RPTOR: variants seen among roughly 807,000 people sequenced by gnomAD.
The protein encoded by RPTOR is regulatory associated protein of MTOR complex 1.
In RPTOR, 21 loss-of-function variants were observed where a neutral mutation model predicts 169.9. That is an observed-to-expected ratio of 0.12 (90% confidence interval 0.09 to 0.18). The LOEUF (loss-of-function observed/expected upper bound fraction) is 0.18, where lower values mean the gene tolerates loss of function less well. Among genes scored for constraint, RPTOR ranks in the 10% least tolerant of loss-of-function variants. The pLI is 1.00. For synonymous variants in RPTOR, 732 were observed against 753.2 expected, an observed-to-expected ratio of 0.97 and a Z score of 0.46; for missense variants, 1,133 against 1,855.9, an observed-to-expected ratio of 0.61 and a Z score of 7.16.
intron 4 of RPTOR, among the ~76,000 whole-genome samples, chr17:80,716,223 G>C (rs2066238213): frequency 6.6e-6 from 1 of 152,168 alleles, no homozygotes; most frequent in African/African-American, 2.4e-5. Context: ...ATCCACACCA[G>C]CATCTACTGT....
At chr17:80,728,527 T>C (rs2066360478) in intron 4 of RPTOR, among the ~76,000 whole-genome samples, 1 of 151,762 alleles carries the variant, frequency 6.6e-6, no homozygotes. Flanking sequence ...CATCAGTTAT[T>C]GAATTGTTAA....
intron 28 of RPTOR, among the ~76,000 whole-genome samples, chr17:80,950,863 G>A (rs1401078953): frequency 1.3e-5 from 2 of 152,208 alleles, no homozygotes; most frequent in Admixed American, 6.5e-5. Context: ...TGTTTTTCTG[G>A]GGTCGCTCAG....
At chr17:80,857,714 G>A in intron 12 of RPTOR, 76 bp from the exon 13 acceptor site, 1 of 955,806 alleles carries the variant, frequency 1.0e-6, no homozygotes, top group South Asian at 1.4e-5. Context: ...ACCGCAGCTG[G>A]TCCCGCGTGG....
At chr17:80,678,206 T>A (rs2065873830) in intron 3 of RPTOR, among the ~76,000 whole-genome samples, 1 of 152,158 alleles carries the variant, frequency 6.6e-6, no homozygotes, top group Non-Finnish European at 1.5e-5. Context: ...TAGGTACAAG[T>A]TTGCAGCAGA....
intron 3 of RPTOR, among the ~76,000 whole-genome samples, chr17:80,662,437 T>A (rs1567844641): frequency 6.6e-6 from 1 of 151,934 alleles, no homozygotes; most frequent in Admixed American, 6.6e-5. Context: ...AGGGTTTTTA[T>A]GGATAATTTG....
At chr17:80,736,361 G>A (rs1425739326) in intron 5 of RPTOR, among the ~76,000 whole-genome samples, 1 of 152,072 alleles carries the variant, frequency 6.6e-6, no homozygotes, top group Non-Finnish European at 1.5e-5. Context: ...AAACCTGTCC[G>A]ACGGTCACTC....
chr17:80,773,948 G>A (rs530670857), intron 6 of RPTOR: 84 of 985,286 alleles, frequency 8.5e-5, no homozygotes, highest in Non-Finnish European at 1.0e-4. Flanking sequence ...CTGCCCTGGG[G>A]GCTATGGTGC....
chr17:80,900,527 G>A (rs556633212), intron 20 of RPTOR, among the ~76,000 whole-genome samples: 2 of 152,312 alleles, frequency 1.3e-5, no homozygotes, highest in South Asian at 4.1e-4. Flanking sequence ...AGTTGGTCAG[G>A]CTGGTCTCGA....
intron 3 of RPTOR, among the ~76,000 whole-genome samples, chr17:80,677,204 G>T (rs1004505744): frequency 6.6e-6 from 1 of 152,088 alleles, no homozygotes; most frequent in African/African-American, 2.4e-5. Flanking sequence ...CCATGTTAAC[G>T]TTTGCCTTTG....
At chr17:80,724,752 G>A (rs749660432) in intron 4 of RPTOR, among the ~76,000 whole-genome samples, 1 of 152,152 alleles carries the variant, frequency 6.6e-6, no homozygotes. Flanking sequence ...TGTGCCCCCC[G>A]TTCCCTCCTC....
intron 21 of RPTOR, among the ~76,000 whole-genome samples, chr17:80,918,783 T>G (rs1277679693): frequency 6.6e-6 from 1 of 152,202 alleles, no homozygotes; most frequent in Non-Finnish European, 1.5e-5. Context: ...CTGTGCTGCC[T>G]GGGTGCAGCG....
chr17:80,621,646 C>T (rs911641890), intron 1 of RPTOR, among the ~76,000 whole-genome samples: 7 of 152,362 alleles, frequency 4.6e-5, no homozygotes, highest in African/African-American at 1.7e-4. Flanking sequence ...ACGCCACCAC[C>T]TAGTTCATGT....
chr17:80,715,585 GTTT>G (rs34329434), intron 4 of RPTOR, among the ~76,000 whole-genome samples: 4 of 146,204 alleles, frequency 2.7e-5, no homozygotes, highest in East Asian at 2.0e-4. Context: ...TTATTTTTAT[GTTT>G]TTTTTTTTTC....
At chr17:80,811,000 G>A (rs2143574674) in intron 7 of RPTOR, among the ~76,000 whole-genome samples, 1 of 152,300 alleles carries the variant, frequency 6.6e-6, no homozygotes, top group South Asian at 2.1e-4. Flanking sequence ...GATCCTCTAT[G>A]TGTGTAATTA....
chr17:80,665,454 TTTCC>T lies in RPTOR; in HGVS notation c.348+21647_348+21650del, dbSNP rs2065765054. ...TTTCCTTTCCTTTCCTTTCCTTTCC[TTTCC>T]TTTCCTTTCCTTTCCTTTCCTTTCC... On this transcript the variant is annotated intron_variant, in intron 3 of 33. Transcript: ENST00000306801. Among the ~76,000 whole-genome samples, 7 of 26,644 alleles carry T rather than the reference TTTCC, an allele frequency of 2.6e-4. 1 individual carries two copies. Among genetic ancestry groups the T allele is most frequent in the African/African-American group, 2.6e-3 (6 of 2,326 alleles). The allele number at this position is 26,644 out of a possible 152,430, so 17.5% of individuals were successfully genotyped here. A position where few individuals can be genotyped will look rare whatever the true frequency, so the allele number is the denominator to read the frequency against.
chr17:80,772,081 A>G (rs1426638802), intron 6 of RPTOR, among the ~76,000 whole-genome samples: 2 of 152,150 alleles, frequency 1.3e-5, no homozygotes, highest in Non-Finnish European at 2.9e-5. Flanking sequence ...GCAGCCTCCC[A>G]AAGTGCTGGG....
chr17:80,672,296 A>G (rs957770603), intron 3 of RPTOR, among the ~76,000 whole-genome samples: 4 of 151,956 alleles, frequency 2.6e-5, no homozygotes, highest in Admixed American at 6.6e-5. Flanking sequence ...TAGTCATTCC[A>G]AGGCTGTTTA....
chr17:80,621,454 G>GT (rs2065353530), intron 1 of RPTOR, among the ~76,000 whole-genome samples: 1 of 152,244 alleles, frequency 6.6e-6, no homozygotes, highest in African/African-American at 2.4e-5. Flanking sequence ...TGGGAATGCC[G>GT]TATCACCGCC....
intron 13 of RPTOR, among the ~76,000 whole-genome samples, chr17:80,874,139 A>G (rs1265088940): frequency 6.6e-6 from 1 of 152,172 alleles, no homozygotes; most frequent in Non-Finnish European, 1.5e-5. Flanking sequence ...TTTGCTATGG[A>G]CATCAGATGC....
Sources: gnomAD v4.1 joint callset for allele counts (sites outside exome capture counted in the v4.1 genomes callset) on GRCh38, gnomAD v4.1.1 for gene constraint, MANE v1.5 for transcripts, NCBI Gene and HGNC (gene_info 2026-07-23, HGNC 2026-07-21) for gene names.